CFAP54: variants seen among roughly 807,000 people sequenced by gnomAD.
CFAP54 encodes the protein cilia- and flagella-associated protein 54.
Under a neutral mutation model 370.4 loss-of-function variants are expected in CFAP54, and 290 were observed. The ratio of observed to expected loss-of-function variants is 0.78; its 90% CI spans 0.71 to 0.86. CFAP54 has a LOEUF of 0.86. Ranked by LOEUF, CFAP54 falls within the 40% of genes least tolerant of loss-of-function variation. The pLI is 0.00. For missense variants in CFAP54, 3,399 were observed against 3,528.7 expected, an observed-to-expected ratio of 0.96 and a Z score of 0.93; for synonymous variants, 1,206 against 1,236.5, an observed-to-expected ratio of 0.98 and a Z score of 0.52.
At chr12:96,610,006 T>A (rs1458110798) in intron 26 of CFAP54, among the ~76,000 whole-genome samples, 1 of 152,232 alleles carries the variant, frequency 6.6e-6, no homozygotes, top group Non-Finnish European at 1.5e-5. Context: ...GAATTCTAAT[T>A]GGGTTTCTCT....
chr12:96,508,687 T>C (rs1955134156), intron 4 of CFAP54, among the ~76,000 whole-genome samples: 1 of 151,284 alleles, frequency 6.6e-6, no homozygotes, highest in Non-Finnish European at 1.5e-5. Context: ...ACACATGGCA[T>C]TGTGCTCTAG....
chr12:96,677,312 A>G (rs1957222971), intron 39 of CFAP54, among the ~76,000 whole-genome samples: 2 of 152,136 alleles, frequency 1.3e-5, no homozygotes, highest in South Asian at 4.1e-4. Context: ...GCACCTGATG[A>G]GAAATAAATT....
intron 17 of CFAP54, among the ~76,000 whole-genome samples, chr12:96,560,516 A>G (rs1347274371): frequency 6.6e-6 from 1 of 152,202 alleles, no homozygotes; most frequent in East Asian, 1.9e-4. Flanking sequence ...TTCAATCTAG[A>G]ATAACTCCTC....
At chr12:96,512,543 A>AT (rs1318391192) in intron 4 of CFAP54, among the ~76,000 whole-genome samples, 8 of 151,628 alleles carry the variant, frequency 5.3e-5, no homozygotes, top group Non-Finnish European at 4.4e-5. Flanking sequence ...GGGTTTTACC[A>AT]TATTGGACAG....
In CFAP54 at chr12:96,679,730, A is replaced by G. The variant is rs758687445; in HGVS notation, c.5694A>G (p.Ser1898=). 12 of 1,613,080 alleles carry G rather than the reference A, an allele frequency of 7.4e-6. No homozygotes were observed. Among genetic ancestry groups the G allele is most frequent in the Non-Finnish European group, 8.5e-6 (10 of 1,179,606 alleles). Residue 1898 remains serine, a synonymous_variant, in exon 40 of 68, where the codon TCA becomes TCG. Coordinates refer to ENST00000524981, the MANE Select transcript of CFAP54 (RefSeq NM_001306084.2). ...RSIRHSRKLL[S]LFLAQTQDVL... Reference sequence around the variant, plus strand: ...TCCGACACAGCAGAAAGTTGCTTTCATTATTTCTTGCACAGACACAAGGTA... The same window carrying G: ...TCCGACACAGCAGAAAGTTGCTTTCGTTATTTCTTGCACAGACACAAGGTA...
intron 50 of CFAP54, among the ~76,000 whole-genome samples, chr12:96,734,176 T>A (rs187818297): frequency 2.6e-4 from 40 of 152,346 alleles, no homozygotes; most frequent in African/African-American, 8.4e-4. Context: ...CTTGAGAGTT[T>A]AAAATTCAGT....
chr12:96,865,655 C>T (rs1415786756), intron 67 of CFAP54, among the ~76,000 whole-genome samples: 1 of 152,100 alleles, frequency 6.6e-6, no homozygotes, highest in Non-Finnish European at 1.5e-5. Flanking sequence ...CTTTTGCATA[C>T]ATAATGTGTT....
At chr12:96,506,052 A>T (rs188879718) in intron 3 of CFAP54, among the ~76,000 whole-genome samples, 64 of 152,244 alleles carry the variant, frequency 4.2e-4, no homozygotes, top group East Asian at 1.4e-3. Flanking sequence ...CAATTGATTC[A>T]ATTCTGGCCG....
At chr12:96,547,388 T>C (rs1955651492) in intron 14 of CFAP54, among the ~76,000 whole-genome samples, 1 of 152,132 alleles carries the variant, frequency 6.6e-6, no homozygotes, top group Non-Finnish European at 1.5e-5. Context: ...GGTTTCATCA[T>C]GTTGGCCAGG....
intron 17 of CFAP54, among the ~76,000 whole-genome samples, chr12:96,560,279 C>A (rs548014217): frequency 6.6e-6 from 1 of 152,176 alleles, no homozygotes. Flanking sequence ...CCCCCTACCC[C>A]CAATCCCTTC....
intron 34 of CFAP54, among the ~76,000 whole-genome samples, chr12:96,648,540 G>A (rs1592906641): frequency 6.6e-6 from 1 of 150,542 alleles, no homozygotes; most frequent in East Asian, 1.9e-4. Context: ...TCAGGTGACA[G>A]GGGGCTCCAA....
In CFAP54 at chr12:96,684,644, A is replaced by G; in HGVS notation, c.5717-4A>G. ...TTTGTTCTTTTACTTGATTAAAAAT[A>G]TAGATGTTCTCCAAGCCAGCAATCA... On this transcript the variant is annotated splice_region_variant and splice_polypyrimidine_tract_variant and intron_variant, in intron 40 of 67. Coordinates refer to ENST00000524981, the MANE Select transcript of CFAP54 (RefSeq NM_001306084.2). 2 of 1,603,962 alleles carry G rather than the reference A, an allele frequency of 1.2e-6. No individual in the cohort carries two copies. Among genetic ancestry groups the G allele is most frequent in the Non-Finnish European group, 1.7e-6 (2 of 1,175,576 alleles).
At chr12:96,807,352 G>A (rs1193316070) in intron 63 of CFAP54, among the ~76,000 whole-genome samples, 1 of 152,074 alleles carries the variant, frequency 6.6e-6, no homozygotes, top group South Asian at 2.1e-4. Flanking sequence ...AACATTTATT[G>A]AGTACATACC....
At chr12:96,591,597 T>C (rs1020240502) in intron 23 of CFAP54, among the ~76,000 whole-genome samples, 2 of 151,828 alleles carry the variant, frequency 1.3e-5, no homozygotes, top group Admixed American at 1.3e-4. Context: ...GATTTAGAAA[T>C]ATTTTTTTTT....
At chr12:96,752,814 T>C (rs1958203314) in intron 55 of CFAP54, among the ~76,000 whole-genome samples, 1 of 152,198 alleles carries the variant, frequency 6.6e-6, no homozygotes, top group South Asian at 2.1e-4. Context: ...TCTTAAGAGA[T>C]AGTGCAATGT....
intron 32 of CFAP54, among the ~76,000 whole-genome samples, chr12:96,642,852 T>G (rs1474276908): frequency 6.6e-6 from 1 of 152,184 alleles, no homozygotes; most frequent in Non-Finnish European, 1.5e-5. Flanking sequence ...TGGAGCACCC[T>G]GAATGTTAAG....
intron 66 of CFAP54, among the ~76,000 whole-genome samples, chr12:96,829,765 C>T (rs1332554758): frequency 6.6e-6 from 1 of 151,724 alleles, no homozygotes; most frequent in Non-Finnish European, 1.5e-5. Context: ...AGTTCAGTGG[C>T]CTTAAGTATA....
At chr12:96,816,197 A>G (rs1958973028) in intron 64 of CFAP54, among the ~76,000 whole-genome samples, 1 of 152,184 alleles carries the variant, frequency 6.6e-6, no homozygotes, top group Non-Finnish European at 1.5e-5. Flanking sequence ...ATCCATGATC[A>G]TGGAATGTTT....
intron 63 of CFAP54, among the ~76,000 whole-genome samples, chr12:96,793,861 G>A (rs946392906): frequency 1.3e-5 from 2 of 151,722 alleles, no homozygotes; most frequent in African/African-American, 4.8e-5. Context: ...ATCTTCTTTT[G>A]AGAATTGTCT....
Sources: allele counts gnomAD v4.1 joint callset (sites outside exome capture counted in the v4.1 genomes callset), GRCh38; gene constraint gnomAD v4.1.1; transcripts MANE v1.5; gene names NCBI Gene and HGNC (gene_info 2026-07-23, HGNC 2026-07-21).